The following SPOPL variants were observed in gnomAD, a reference collection of about 807,000 sequenced individuals.
SPOPL encodes speckle-type POZ protein-like.
In SPOPL, 23 loss-of-function variants were observed where a neutral mutation model predicts 53.8. That is an observed-to-expected ratio of 0.43 (90% CI 0.31 to 0.61). The LOEUF is 0.61. Among genes scored for constraint, SPOPL ranks in the 20% least tolerant of loss-of-function variants. The probability of loss-of-function intolerance (pLI) is 0.12; values close to 1 mark genes in which losing one functional copy is unlikely to be tolerated. For synonymous variants in SPOPL, 164 were observed against 149.7 expected, an observed-to-expected ratio of 1.10 and a Z score of -0.70; for missense variants, 442 against 466.9, an observed-to-expected ratio of 0.95 and a Z score of 0.49.
intron 1 of SPOPL, among the ~76,000 whole-genome samples, chr2:138,531,666 TA>T (rs1459744246): frequency 4.6e-5 from 7 of 152,196 alleles, no homozygotes; most frequent in Non-Finnish European, 1.0e-4. Flanking sequence ...TTTCTAGTCT[TA>T]CCTTTTGCTG....
rs1685625231 is a variant in SPOPL at position 138,564,812 on chromosome 2, AG to A, written c.943del (p.Glu315AsnfsTer3). 1 of 1,614,102 alleles carries A rather than the reference AG, an allele frequency of 6.2e-7. No homozygotes were observed. The highest frequency in any genetic ancestry group is 8.5e-7 in the Non-Finnish European group (1 of 1,180,034). ...TLVLADLHSAEQLKAQAIDFI... is the reference protein window; with the variant it reads ...TLVLADLHSAXQLKAQAIDFI... ...TTGTCCTTGCAGATTTGCACAGTGC[AG>A]AACAGTTGAAAGCACAAGCCATAGA... is the stretch of plus-strand genomic sequence containing the variant. On this transcript the variant is annotated frameshift_variant, in exon 9 of 11. Coordinates refer to ENST00000280098, the MANE Select transcript of SPOPL (RefSeq NM_001001664.3). LOFTEE classifies it high-confidence loss of function.
chr2:138,562,611 C>G (rs1685573167), intron 8 of SPOPL, among the ~76,000 whole-genome samples: 1 of 152,014 alleles, frequency 6.6e-6, no homozygotes, highest in East Asian at 1.9e-4. Flanking sequence ...ATGGTGAACC[C>G]TGTCTCTACT....
intron 8 of SPOPL, among the ~76,000 whole-genome samples, chr2:138,562,769 G>A (rs542983088): frequency 1.7e-5 from 2 of 119,442 alleles, no homozygotes; most frequent in South Asian, 2.6e-4. Flanking sequence ...GGGCAAAAGA[G>A]CAAGATTCCA....
Position 138,550,529 on chromosome 2 carries a change from G to T in SPOPL, c.125G>T (p.Ser42Ile). 1 of 1,611,944 alleles carries T rather than the reference G, an allele frequency of 6.2e-7. No homozygotes were observed. Among genetic ancestry groups the T allele is most frequent in the Non-Finnish European group, 8.5e-7 (1 of 1,178,422 alleles). Residue 42 changes from serine to isoleucine, a missense_variant, in exon 3 of 11, where the codon AGT (serine) becomes ATT (isoleucine). Coordinates refer to ENST00000280098, the MANE Select transcript of SPOPL (RefSeq NM_001001664.3). ...TATATGTGGACCATTAATAACTTCA[G>T]TTTTTGTCGAGAGGAAATGGGTGAA... Reference protein sequence around the residue: ...FSYMWTINNFSFCREEMGEVL... With the variant: ...FSYMWTINNFIFCREEMGEVL...
intron 5 of SPOPL, among the ~76,000 whole-genome samples, chr2:138,557,907 C>T (rs968973349): frequency 6.6e-6 from 1 of 151,958 alleles, no homozygotes; most frequent in Non-Finnish European, 1.5e-5. Flanking sequence ...TCCTGTAATC[C>T]CAACACTTTG....
At chr2:138,555,359 T>C (rs1685402039) in intron 5 of SPOPL, among the ~76,000 whole-genome samples, 1 of 152,150 alleles carries the variant, frequency 6.6e-6, no homozygotes, top group African/African-American at 2.4e-5. Context: ...CCTTTCTGTT[T>C]TAAAATAATT....
At chr2:138,513,158 C>G (rs965970436) in intron 1 of SPOPL, among the ~76,000 whole-genome samples, 1 of 152,224 alleles carries the variant, frequency 6.6e-6, no homozygotes, top group Non-Finnish European at 1.5e-5. Context: ...TGGCTCACGC[C>G]TGTAATCCCA....
chr2:138,509,627 G>A (rs529073072), intron 1 of SPOPL, among the ~76,000 whole-genome samples: 29 of 152,122 alleles, frequency 1.9e-4, no homozygotes, highest in Non-Finnish European at 4.0e-4. Flanking sequence ...AGCTGTTTTA[G>A]GTTCACTGAA....
intron 1 of SPOPL, among the ~76,000 whole-genome samples, chr2:138,520,009 T>C (rs1684522466): frequency 6.6e-6 from 1 of 152,110 alleles, no homozygotes; most frequent in Non-Finnish European, 1.5e-5. Flanking sequence ...GAGGTGACAT[T>C]TAAGATTAAA....
chr2:138,529,537 T>TGC (rs1377479258), intron 1 of SPOPL, among the ~76,000 whole-genome samples: 22 of 100,082 alleles, frequency 2.2e-4, no homozygotes, highest in South Asian at 1.3e-3. Flanking sequence ...TGTGTGTGTT[T>TGC]GCGTGCGCGC....
chr2:138,555,778 T>G (rs528718629), intron 5 of SPOPL, among the ~76,000 whole-genome samples: 2 of 152,344 alleles, frequency 1.3e-5, no homozygotes, highest in East Asian at 3.9e-4. Flanking sequence ...CTGTCTAAAC[T>G]ATGTTCTCTG....
At chr2:138,522,857 C>T (rs570275270) in intron 1 of SPOPL, among the ~76,000 whole-genome samples, 2 of 152,206 alleles carry the variant, frequency 1.3e-5, no homozygotes, top group African/African-American at 2.4e-5. Flanking sequence ...TCTGTTTTCA[C>T]GTGTAGGTCA....
chr2:138,529,523 T>C (rs957692355), intron 1 of SPOPL, among the ~76,000 whole-genome samples: 8 of 148,480 alleles, frequency 5.4e-5, no homozygotes, highest in Middle Eastern at 3.5e-3. Context: ...TGTGTGTGTG[T>C]GTGTGTGTGT....
At chr2:138,540,057 G>A (rs1474366647) in intron 1 of SPOPL, among the ~76,000 whole-genome samples, 2 of 152,190 alleles carry the variant, frequency 1.3e-5, no homozygotes, top group African/African-American at 4.8e-5. Context: ...GATGGTTGTA[G>A]ATACGCGGCA....
chr2:138,522,767 A>C (rs1301271638), intron 1 of SPOPL, among the ~76,000 whole-genome samples: 2 of 152,118 alleles, frequency 1.3e-5, no homozygotes, highest in Non-Finnish European at 2.9e-5. Flanking sequence ...TATTTCAGAG[A>C]CGAGCCTATC....
At position 138,572,433 on chromosome 2, in the gene SPOPL, A is replaced by G. The variant is rs751788183; in HGVS notation, c.*3353A>G. 1 of 152,232 alleles carries G rather than the reference A, an allele frequency of 6.6e-6. No homozygotes were observed. Among genetic ancestry groups the G allele is most frequent in the African/African-American group, 2.4e-5 (1 of 41,424 alleles). 9.4% of individuals were successfully genotyped at this position (152,232 alleles called of 1,614,324 possible). The stretch of plus-strand genomic sequence containing the variant: ...TCATAAATTTAAAATCTTAATCAGA[A>G]TTCTTTATAAAATGTGGGTCATAGA... On this transcript the variant is annotated 3_prime_UTR_variant, in exon 11 of 11. Transcript: ENST00000280098.
rs183692510 is a variant in SPOPL, at chr2:138,559,482, A to G, written c.714+145A>G. On this transcript the variant is annotated intron_variant, in intron 7 of 10. Coordinates refer to ENST00000280098, the MANE Select transcript of SPOPL (RefSeq NM_001001664.3). ...TACAAACAGGAAAAAAATGTGTTCT[A>G]TAATAGAACAATAGATGTAGCTCAG... 2.1e-5 allele frequency: 16 copies of G among 763,578 alleles called. No homozygotes were observed. The East Asian group carries it at 3.0e-4, about 14-fold the overall frequency. The allele number at this position is 763,578 out of a possible 1,614,324, so 47.3% of individuals were successfully genotyped here. A position where few individuals can be genotyped will look rare whatever the true frequency, so the allele number is the denominator to read the frequency against.
chr2:138,523,999 T>C (rs1469803507), intron 1 of SPOPL, among the ~76,000 whole-genome samples: 1 of 152,146 alleles, frequency 6.6e-6, no homozygotes, highest in Admixed American at 6.5e-5. Flanking sequence ...GGGGGAGGGC[T>C]CTGACCCCAC....
chr2:138,524,633 C>T (rs1248588899), intron 1 of SPOPL, among the ~76,000 whole-genome samples: 1 of 152,178 alleles, frequency 6.6e-6, no homozygotes, highest in Non-Finnish European at 1.5e-5. Flanking sequence ...ACCAGATACC[C>T]TAAGTCATCT....
Sources: allele counts gnomAD v4.1 joint callset (sites outside exome capture counted in the v4.1 genomes callset), GRCh38; gene constraint gnomAD v4.1.1; transcripts MANE v1.5; gene names NCBI Gene and HGNC (gene_info 2026-07-23, HGNC 2026-07-21).